VPS54: variants seen among roughly 807,000 people sequenced by gnomAD.
The protein encoded by VPS54 is VPS54 subunit of GARP complex.
In VPS54, 45 loss-of-function variants were observed where a neutral mutation model predicts 121.5. That is an observed-to-expected ratio of 0.37 (90% CI 0.29 to 0.47). VPS54 has a LOEUF of 0.47. VPS54 is among the 20% of genes least tolerant of loss of function. VPS54 has a pLI of 0.99. For synonymous variants in VPS54, 371 were observed against 385.8 expected (o/e 0.96, Z 0.45); for missense variants, 1,090 against 1,131.4 (o/e 0.96, Z 0.52).
In VPS54 at chr2:63,913,213, G is replaced by A; in HGVS notation, c.2422+10C>T. On this transcript the variant is annotated intron_variant, in intron 18 of 22. Coordinates refer to ENST00000272322, the MANE Select transcript of VPS54 (RefSeq NM_016516.3). ...ACTTCAGCAAGTGAATTAAACGCAA[G>A]AATCCATACCCAAATTTTTTGTAGT... 6.2e-7 allele frequency: 1 copy of A among 1,606,112 alleles called. No individual in the cohort carries two copies. Among genetic ancestry groups the A allele is most frequent in the Non-Finnish European group, 8.5e-7 (1 of 1,176,630 alleles).
chr2:63,894,717 GTTGT>G (rs996856734), intron 22 of VPS54, among the ~76,000 whole-genome samples: 3 of 150,204 alleles, frequency 2.0e-5, no homozygotes, highest in African/African-American at 4.9e-5. Context: ...AAAAAAAAAG[GTTGT>G]TTGATGGAAT....
In VPS54 at chr2:63,901,871, T is replaced by C. The variant is rs1053309234; in HGVS notation, c.2626-2290A>G. On this transcript the variant is annotated intron_variant, in intron 20 of 22. Coordinates refer to ENST00000272322, the MANE Select transcript of VPS54 (RefSeq NM_016516.3). ...TCTCTACTAAAAATACAAAATTAGC[T>C]GGGCATGGTGGTGCATGCCTGTAAT... 2.6e-5 allele frequency among the ~76,000 whole-genome samples: 4 copies of C among 152,004 alleles called. No individual in the cohort carries two copies. In the East Asian group the frequency reaches 7.7e-4, roughly 29 times the overall value.
chr2:63,983,138 A>T (rs1020568736), intron 2 of VPS54, among the ~76,000 whole-genome samples: 1 of 150,774 alleles, frequency 6.6e-6, no homozygotes, highest in Admixed American at 6.6e-5. Flanking sequence ...TCAATTTCCC[A>T]ATCATTTCCA....
At chr2:63,986,540 G>C (rs371580999) in intron 1 of VPS54, among the ~76,000 whole-genome samples, 11 of 152,264 alleles carry the variant, frequency 7.2e-5, no homozygotes, top group African/African-American at 2.2e-4. Context: ...TCCAAATCGA[G>C]GCTATTGTGA....
At chr2:64,014,702 A>T (rs540559371) in intron 1 of VPS54, among the ~76,000 whole-genome samples, 39 of 106,358 alleles carry the variant, frequency 3.7e-4, no homozygotes, top group African/African-American at 9.2e-4. Context: ...ACTCTTCTAC[A>T]GTATATTATA....
At position 64,005,724 on chromosome 2, in the gene VPS54, G is replaced by C. The variant is rs546034695; in HGVS notation, c.-21+13214C>G. ...AGCTGTGACAATCAAAAATGTCCTA[G>C]GGTTGGGGAAGGAGAAGACAAACTC... On this transcript the variant is annotated intron_variant, in intron 1 of 22. Transcript: ENST00000272322. Among the ~76,000 whole-genome samples the C allele has an allele frequency of 9.9e-5, 15 of 152,282 alleles. 1 individual carries two copies. The highest frequency in any genetic ancestry group is 3.4e-3 in the Middle Eastern group (1 of 294).
intron 20 of VPS54, among the ~76,000 whole-genome samples, chr2:63,910,762 T>C (rs185103779): frequency 8.5e-5 from 13 of 152,316 alleles, no homozygotes; most frequent in Admixed American, 6.5e-4. Context: ...TAAGTTGTCA[T>C]AGGAAAAAGT....
intron 20 of VPS54, among the ~76,000 whole-genome samples, chr2:63,904,742 A>AT (rs1385276673): frequency 6.6e-6 from 1 of 152,204 alleles, no homozygotes; most frequent in Non-Finnish European, 1.5e-5. Context: ...CAACAGCAAA[A>AT]TACACATTGT....
intron 1 of VPS54, among the ~76,000 whole-genome samples, chr2:63,990,249 G>A (rs1218264447): frequency 6.6e-6 from 1 of 152,020 alleles, no homozygotes; most frequent in Non-Finnish European, 1.5e-5. Flanking sequence ...GTCTAACTCT[G>A]GTGACTTTGG....
chr2:63,899,673 C>T (rs750219917), intron 20 of VPS54, 92 bp from the exon 21 acceptor site: 7 of 1,013,618 alleles, frequency 6.9e-6, no homozygotes, highest in Non-Finnish European at 1.0e-5. Context: ...ACTGTCCCTC[C>T]ACATATCCAA....
chr2:63,991,460 T>C (rs1400800081), intron 1 of VPS54, among the ~76,000 whole-genome samples: 1 of 152,210 alleles, frequency 6.6e-6, no homozygotes, highest in Non-Finnish European at 1.5e-5. Flanking sequence ...AGCTATTCTG[T>C]GGGCACGGGC....
chr2:63,905,493 C>A (rs1672865460), intron 20 of VPS54, among the ~76,000 whole-genome samples: 1 of 151,196 alleles, frequency 6.6e-6, no homozygotes, highest in African/African-American at 2.4e-5. Context: ...AAGTAGATTA[C>A]CCACATAGTT....
At chr2:63,897,642 AT>A in intron 21 of VPS54, 52 bp from the exon 22 acceptor site, 1 of 1,055,578 alleles carries the variant, frequency 9.5e-7, no homozygotes, top group Non-Finnish European at 1.4e-6. Context: ...AATAGAAGAT[AT>A]CTGAGTTATC....
chr2:63,974,515 A>G (rs904129910), intron 3 of VPS54, among the ~76,000 whole-genome samples: 1 of 152,216 alleles, frequency 6.6e-6, no homozygotes, highest in Non-Finnish European at 1.5e-5. Context: ...TGTTGACTCT[A>G]TTGATCAAGT....
chr2:64,006,354 G>C (rs542937205), intron 1 of VPS54, among the ~76,000 whole-genome samples: 2 of 152,210 alleles, frequency 1.3e-5, no homozygotes, highest in South Asian at 4.1e-4. Context: ...TTGACTTTCT[G>C]AAATTTGATT....
At chr2:63,990,346 G>A (rs1677261188) in intron 1 of VPS54, among the ~76,000 whole-genome samples, 1 of 152,088 alleles carries the variant, frequency 6.6e-6, no homozygotes, top group Admixed American at 6.6e-5. Flanking sequence ...GACAGCCCGG[G>A]ACCATATACG....
chr2:63,927,680 T>G (rs562471117), intron 12 of VPS54, among the ~76,000 whole-genome samples: 71 of 152,264 alleles, frequency 4.7e-4, no homozygotes, highest in African/African-American at 1.6e-3. Flanking sequence ...CTGACGGAAG[T>G]AGGCTTCAGA....
intron 15 of VPS54, among the ~76,000 whole-genome samples, chr2:63,918,087 C>T (rs1217046965): frequency 6.6e-6 from 1 of 151,794 alleles, no homozygotes; most frequent in Non-Finnish European, 1.5e-5. Context: ...GGTAATAATC[C>T]AGGATCCTTA....
intron 1 of VPS54, among the ~76,000 whole-genome samples, chr2:64,002,166 T>C (rs894965839): frequency 6.6e-6 from 1 of 152,204 alleles, no homozygotes; most frequent in Non-Finnish European, 1.5e-5. Context: ...GCACTCCTCC[T>C]ATCCCAAGCA....
Sources: allele counts gnomAD v4.1 joint callset (sites outside exome capture counted in the v4.1 genomes callset), GRCh38; gene constraint gnomAD v4.1.1; transcripts MANE v1.5; gene names NCBI Gene and HGNC (gene_info 2026-07-23, HGNC 2026-07-21).